DOCK3: variants seen among roughly 807,000 people sequenced by gnomAD.
DOCK3 encodes dedicator of cytokinesis protein 3.
DOCK3 carries 60 observed loss-of-function variants against 265.6 expected under a neutral mutation model. The ratio of observed to expected loss-of-function variants is 0.23; its 90% CI spans 0.18 to 0.28. The LOEUF is 0.28. Ranked by LOEUF, DOCK3 falls within the 10% of genes least tolerant of loss-of-function variation. The pLI, the probability that DOCK3 is intolerant of heterozygous loss-of-function variation, is 1.00. For missense variants in DOCK3, 1,981 were observed against 2,594.3 expected (o/e 0.76, Z 5.14); for synonymous variants, 881 against 938.0 (o/e 0.94, Z 1.11).
chr3:51,381,157 TGA>T lies in DOCK3; in HGVS notation c.5695_5696del (p.Ser1899Ter). On this transcript the variant is annotated frameshift_variant, in exon 53 of 53. Transcript: ENST00000266037. LOFTEE classifies it high-confidence loss of function. The surrounding 1 kb of genome is among the most constrained non-coding windows in gnomAD (Gnocchi z 5.6). ...SASSGVSSLSESNFGHSSEAP... is the reference protein window; with the variant it reads ...SASSGVSSLSXSNFGHSSEAP... Reference sequence around the variant, plus strand: ...CCAGCAGCGGCGTGTCCTCCTTGAGTGAGAGTAACTTTGGGCACTCCTCGGAG... The same window carrying T: ...CCAGCAGCGGCGTGTCCTCCTTGAGTGAGTAACTTTGGGCACTCCTCGGAG... 1 of 1,613,756 alleles carries T rather than the reference TGA, an allele frequency of 6.2e-7. No individual in the cohort carries two copies. The highest frequency in any genetic ancestry group is 8.5e-7 in the Non-Finnish European group (1 of 1,179,826).
At chr3:50,793,324 A>T (rs2042587876) in intron 2 of DOCK3, among the ~76,000 whole-genome samples, 1 of 145,884 alleles carries the variant, frequency 6.9e-6, no homozygotes, top group African/African-American at 2.5e-5. Context: ...CTAGCTAGCC[A>T]TCTATCTGTT....
At chr3:50,687,550 T>C (rs2034914697) in intron 1 of DOCK3, among the ~76,000 whole-genome samples, 1 of 152,246 alleles carries the variant, frequency 6.6e-6, no homozygotes, top group Non-Finnish European at 1.5e-5. Flanking sequence ...ATGTATGCTC[T>C]GCGTCCATTT....
intron 2 of DOCK3, among the ~76,000 whole-genome samples, chr3:50,800,056 A>G (rs962180646): frequency 1.3e-5 from 2 of 151,944 alleles, no homozygotes; most frequent in Non-Finnish European, 2.9e-5. Context: ...CCACTTGGTT[A>G]TGGTTATCTT....
At chr3:50,892,130 A>G (rs540693173) in intron 4 of DOCK3, among the ~76,000 whole-genome samples, 2 of 152,240 alleles carry the variant, frequency 1.3e-5, no homozygotes, top group South Asian at 4.1e-4. Flanking sequence ...CTGGAGAACA[A>G]TTGGTTGGGC....
chr3:51,289,114 A>G (rs1490777307), intron 27 of DOCK3, among the ~76,000 whole-genome samples: 2 of 152,136 alleles, frequency 1.3e-5, no homozygotes, highest in Non-Finnish European at 2.9e-5. Flanking sequence ...CACAGCCATA[A>G]AAAAGAATGA....
At chr3:50,773,096 G>C (rs1365213123) in intron 1 of DOCK3, among the ~76,000 whole-genome samples, 1 of 152,080 alleles carries the variant, frequency 6.6e-6, no homozygotes, top group Non-Finnish European at 1.5e-5. Context: ...CAGACACACA[G>C]AACAATGGAA....
rs1485456066 is a variant in DOCK3 at position 51,034,016 on chromosome 3, T to A, written c.316-30432T>A. ...TGCTCTGATTGCAGCTCTTTTCAAG[T>A]TAATGTCTTATCGTTCTTAGTAGCT... is the stretch of plus-strand genomic sequence containing the variant. On this transcript the variant is annotated intron_variant, in intron 5 of 52. Coordinates refer to ENST00000266037, the MANE Select transcript of DOCK3 (RefSeq NM_004947.5). 2.0e-5 allele frequency among the ~76,000 whole-genome samples: 3 copies of A among 152,198 alleles called. No individual in the cohort carries two copies. The South Asian group carries it at 6.2e-4, about 31-fold the overall frequency.
At chr3:50,967,660 GTCCTTCTTCACA>G (rs1272107605) in intron 5 of DOCK3, among the ~76,000 whole-genome samples, 8 of 152,138 alleles carry the variant, frequency 5.3e-5, no homozygotes, top group Admixed American at 6.5e-5. Flanking sequence ...AAGCAAATAC[GTCCTTCTTCACA>G]TAATGGCAGG....
At chr3:50,917,799 G>A (rs2050209436) in intron 4 of DOCK3, among the ~76,000 whole-genome samples, 1 of 151,978 alleles carries the variant, frequency 6.6e-6, no homozygotes, top group Admixed American at 6.6e-5. Flanking sequence ...TAGGGTTCAT[G>A]TGCATAACGT....
intron 3 of DOCK3, among the ~76,000 whole-genome samples, chr3:50,861,222 G>T (rs1207990477): frequency 6.6e-6 from 1 of 152,042 alleles, no homozygotes; most frequent in African/African-American, 2.4e-5. Flanking sequence ...GGGTCAAGTT[G>T]TTTCCTTGAT....
chr3:50,855,505 T>A (rs565350779), intron 3 of DOCK3, among the ~76,000 whole-genome samples: 50 of 152,258 alleles, frequency 3.3e-4, no homozygotes, highest in African/African-American at 1.2e-3. Flanking sequence ...TTTTGTATGT[T>A]GATTTTTGTA....
intron 35 of DOCK3, among the ~76,000 whole-genome samples, chr3:51,338,073 C>G (rs1403971074): frequency 1.3e-5 from 2 of 152,206 alleles, no homozygotes; most frequent in Non-Finnish European, 2.9e-5. Context: ...CCTTTTGTGC[C>G]AAGGACATTG....
chr3:51,036,791 G>A (rs1315817246), intron 5 of DOCK3, among the ~76,000 whole-genome samples: 1 of 152,066 alleles, frequency 6.6e-6, no homozygotes, highest in Non-Finnish European at 1.5e-5. Context: ...AGGAACCTGT[G>A]GGAGGTAATT....
At position 50,984,889 on chromosome 3, in the gene DOCK3, C is replaced by T. The variant is rs78615957; in HGVS notation, c.315+50812C>T. ...TTTGTTATTAGATATTGTAAGTAAC[C>T]TAGAGATGATTGGAAGTACATGTGT... On this transcript the variant is annotated intron_variant, in intron 5 of 52. Coordinates refer to ENST00000266037, the MANE Select transcript of DOCK3 (RefSeq NM_004947.5). Among the ~76,000 whole-genome samples the T allele has an allele frequency of 4.1e-3, 617 of 152,078 alleles. 6 individuals are homozygous for T. The highest frequency in any genetic ancestry group is 0.014 in the African/African-American group (578 of 41,474).
chr3:50,933,234 T>C (rs2051167224), intron 4 of DOCK3, among the ~76,000 whole-genome samples: 1 of 152,188 alleles, frequency 6.6e-6, no homozygotes, highest in African/African-American at 2.4e-5. Flanking sequence ...TCAGTACCTT[T>C]TCATTTTCAT....
chr3:51,184,882 AG>A (rs1412553061), intron 12 of DOCK3, among the ~76,000 whole-genome samples: 4 of 152,332 alleles, frequency 2.6e-5, no homozygotes, highest in African/African-American at 9.6e-5. Context: ...TCATGCTGAT[AG>A]TATGTACCCT....
chr3:51,249,359 A>T (rs1217955596), intron 22 of DOCK3, among the ~76,000 whole-genome samples: 3 of 73,260 alleles, frequency 4.1e-5, no homozygotes, highest in African/African-American at 1.1e-4. Flanking sequence ...CCAGCCGCCC[A>T]GTCCGGGAGG....
chr3:50,753,639 A>G (rs2039976206), intron 1 of DOCK3, among the ~76,000 whole-genome samples: 1 of 152,172 alleles, frequency 6.6e-6, no homozygotes, highest in Non-Finnish European at 1.5e-5. Context: ...CTGGGATTAC[A>G]GGCGTGAGGC....
chr3:51,288,620 A>G (rs1290786238), intron 27 of DOCK3, among the ~76,000 whole-genome samples: 1 of 152,150 alleles, frequency 6.6e-6, no homozygotes, highest in Non-Finnish European at 1.5e-5. Context: ...AAGCTAACAT[A>G]AAGGCTTTTA....
Sources: allele counts gnomAD v4.1 joint callset (sites outside exome capture counted in the v4.1 genomes callset), GRCh38; gene constraint gnomAD v4.1.1; non-coding constraint Gnocchi (gnomAD v3.1); transcripts MANE v1.5; gene names NCBI Gene and HGNC (gene_info 2026-07-23, HGNC 2026-07-21).